Variants in MAN1B1 observed in about 807,000 individuals in gnomAD.
MAN1B1 encodes mannosidase alpha class 1B member 1, also known as endoplasmic reticulum mannosyl-oligosaccharide 1,2-alpha-mannosidase.
In MAN1B1, 66 loss-of-function variants were observed where a neutral mutation model predicts 75.5. The ratio of observed to expected loss-of-function variants is 0.87; its 90% confidence interval spans 0.72 to 1.07. The LOEUF (loss-of-function observed/expected upper bound fraction) is 1.07, where lower values mean the gene tolerates loss of function less well. Among genes scored for constraint, MAN1B1 ranks in the 50% least tolerant of loss-of-function variants. MAN1B1 has a pLI of 0.00. For missense variants in MAN1B1, 973 were observed against 912.5 expected, an observed-to-expected ratio of 1.07 and a Z score of -0.85; for synonymous variants, 453 against 382.8, an observed-to-expected ratio of 1.18 and a Z score of -2.14.
In MAN1B1 at chr9:137,099,742, T is replaced by A; in HGVS notation, c.777T>A (p.His259Gln). ...AGGGCGTGATTGACGTCTTCCTGCA[T>A]GCATGGAAAGGATACCGCAAGTTTG... Reference protein sequence around the residue: ...RQKGVIDVFLHAWKGYRKFAW... With the variant: ...RQKGVIDVFLQAWKGYRKFAW... Residue 259 changes from histidine (H) to glutamine (Q), a missense_variant, in exon 6 of 13, where the codon CAT becomes CAA. Physicochemically the swap from His to Gln is conservative, Grantham distance 24. Coordinates refer to ENST00000371589, the MANE Select transcript of MAN1B1 (RefSeq NM_016219.5). 1 of 1,614,224 alleles carries A rather than the reference T, an allele frequency of 6.2e-7. No individual in the cohort carries two copies. Among genetic ancestry groups the A allele is most frequent in the Non-Finnish European group, 8.5e-7 (1 of 1,180,042 alleles).
intron 3 of MAN1B1, among the ~76,000 whole-genome samples, chr9:137,094,716 T>A (rs1425342491): frequency 6.6e-6 from 1 of 151,432 alleles, no homozygotes; most frequent in East Asian, 1.9e-4. Context: ...CTGTCTCTAC[T>A]AACAATACAA....
At chr9:137,101,193 C>T (rs376990482) in intron 7 of MAN1B1, 40 bp downstream of exon 7, 25 of 1,611,248 alleles carry the variant, frequency 1.6e-5, no homozygotes, top group South Asian at 1.2e-4. Flanking sequence ...ATGGTGGACT[C>T]GCATTCAAGC....
rs571249914 is a variant in MAN1B1, at chr9:137,087,317, C to T, written c.219+99C>T. ...GGGACCTGGGCGGGCGGACTCGACTCCCCAGGCGCCGCCCTCTCCACCCCT... is the reference window on the plus strand; with the variant it reads ...GGGACCTGGGCGGGCGGACTCGACTTCCCAGGCGCCGCCCTCTCCACCCCT... On this transcript the variant is annotated intron_variant, in intron 1 of 12. Coordinates refer to ENST00000371589, the MANE Select transcript of MAN1B1 (RefSeq NM_016219.5). 2.4e-5 allele frequency: 32 copies of T among 1,323,286 alleles called. 2 individuals carry two copies. In the South Asian group the frequency reaches 4.2e-4, roughly 17 times the overall value. The allele number at this position is 1,323,286 out of a possible 1,614,324, so 82.0% of individuals were successfully genotyped here.
chr9:137,106,001 G>A, intron 8 of MAN1B1, 124 bp from the exon 9 acceptor site: 1 of 791,896 alleles, frequency 1.3e-6, no homozygotes, highest in Non-Finnish European at 2.2e-6. Flanking sequence ...TGGGCACAGA[G>A]CTCTCTCTGC....
At chr9:137,089,092 C>T in intron 3 of MAN1B1, 87 bp downstream of exon 3, 2 of 1,537,452 alleles carry the variant, frequency 1.3e-6, no homozygotes, top group Admixed American at 1.7e-5. Context: ...AATTATTTTC[C>T]TTTACCATTT....
rs756140103 is a variant in MAN1B1, at chr9:137,108,467, T to G, written c.1976T>G (p.Phe659Cys). The change falls in exon 13 of 13, where the codon TTC becomes TGC. Residue 659 changes from phenylalanine (F) to cysteine (C), a missense_variant. Coordinates refer to ENST00000371589, the MANE Select transcript of MAN1B1 (RefSeq NM_016219.5). Reference protein sequence around the residue: ...KPEPRDKMESFFLGETLKYLF... With the variant: ...KPEPRDKMESCFLGETLKYLF... ...GAGCCTAGGGACAAGATGGAGAGCT[T>G]CTTCCTGGGGGAGACGCTCAAGTAT... 23 of 1,613,848 alleles carry G rather than the reference T, an allele frequency of 1.4e-5. No homozygotes were observed. Among genetic ancestry groups the G allele is most frequent in the East Asian group, 2.2e-5 (1 of 44,892 alleles).
Position 137,094,107 on chromosome 9 carries a change from C to T in MAN1B1, c.466-2130C>T, listed in dbSNP as rs181558568. On this transcript the variant is annotated intron_variant, in intron 3 of 12. Transcript: ENST00000371589. ...TCCACTCACTGCAACCTCCACGTCT[C>T]GGGTTCAAGTGATTCTCCTGCCTCA... is the stretch of plus-strand genomic sequence containing the variant. Among the ~76,000 whole-genome samples, 767 of 150,918 alleles carry T rather than the reference C, an allele frequency of 5.1e-3. 4 individuals are homozygous for T. Among genetic ancestry groups the T allele is most frequent in the Non-Finnish European group, 8.7e-3 (591 of 67,766 alleles).
chr9:137,091,406 C>T (rs1325910388), intron 3 of MAN1B1, among the ~76,000 whole-genome samples: 1 of 152,010 alleles, frequency 6.6e-6, no homozygotes, highest in Non-Finnish European at 1.5e-5. Flanking sequence ...TGCACTGCCT[C>T]TCCTGTTCAG....
intron 2 of MAN1B1, 72 bp from the exon 3 acceptor site, chr9:137,088,797 T>C: frequency 6.5e-7 from 1 of 1,548,948 alleles, no homozygotes; most frequent in Non-Finnish European, 8.9e-7. Context: ...CTGCCAAGTG[T>C]TTTTATAAAG....
intron 3 of MAN1B1, 71 bp from the exon 4 acceptor site, chr9:137,096,166 C>T (rs1830644474): frequency 2.6e-6 from 4 of 1,524,118 alleles, no homozygotes; most frequent in East Asian, 2.3e-5. Flanking sequence ...CACCTGAGGG[C>T]GTCCCATAGA....
Position 137,106,632 on chromosome 9 carries a change from C to T in MAN1B1, c.1446-57C>T, listed in dbSNP as rs183958420. On this transcript the variant is annotated intron_variant, in intron 9 of 12. Transcript: ENST00000371589. ...GCCCAGGATGTGCCTGTCCCTGGTG[C>T]CCCACGGGAGCCGATGCACCGTCCT... is the stretch of plus-strand genomic sequence containing the variant. 6.8e-3 allele frequency: 10,915 copies of T among 1,610,666 alleles called. 60 individuals are homozygous for T. Among genetic ancestry groups the T allele is most frequent in the Middle Eastern group, 0.013 (77 of 6,030 alleles).
Position 137,108,489 on chromosome 9 carries a change from G to A in MAN1B1, c.1998G>A (p.Lys666=), listed in dbSNP as rs150436630. ...GCTTCTTCCTGGGGGAGACGCTCAA[G>A]TATCTGTTCTTGCTCTTCTCCGATG... is the stretch of plus-strand genomic sequence containing the variant. ...MESFFLGETL[K]YLFLLFSDDP... The change falls in exon 13 of 13, where the codon AAG becomes AAA. Residue 666 remains lysine, a synonymous_variant. Coordinates refer to ENST00000371589, the MANE Select transcript of MAN1B1 (RefSeq NM_016219.5). 1.2e-5 allele frequency: 19 copies of A among 1,613,902 alleles called. No individual in the cohort carries two copies. The Admixed American group carries it at 1.8e-4, about 16-fold the overall frequency.
In MAN1B1 at chr9:137,107,414, C is replaced by T. The variant is rs1487072561; in HGVS notation, c.1731C>T (p.Tyr577=). Reference sequence around the variant, plus strand: ...CCGAGATCGTGCACTTCAACCTTTACCCCCAGCCGGGCCGTCGGGACGTGG... The same window carrying T: ...CCGAGATCGTGCACTTCAACCTTTATCCCCAGCCGGGCCGTCGGGACGTGG... ...LSPEIVHFNL[Y]PQPGRRDVEV... The change falls in exon 11 of 13, where the codon TAC becomes TAT. Residue 577 remains tyrosine (Y), a synonymous_variant. Coordinates refer to ENST00000371589, the MANE Select transcript of MAN1B1 (RefSeq NM_016219.5). 1 of 1,613,472 alleles carries T rather than the reference C, an allele frequency of 6.2e-7. No individual in the cohort carries two copies. Among genetic ancestry groups the T allele is most frequent in the South Asian group, 1.1e-5 (1 of 91,088 alleles).
rs1488519885 is a variant in MAN1B1, at chr9:137,096,328, C to T, written c.557C>T (p.Thr186Ile). The change falls in exon 4 of 13, where the codon ACA (threonine) becomes ATA (isoleucine). Residue 186 changes from threonine (T) to isoleucine (I), a missense_variant. By Grantham distance (89) the Thr-to-Ile change is moderately conservative. Coordinates refer to ENST00000371589, the MANE Select transcript of MAN1B1 (RefSeq NM_016219.5). ...DLKDGTQEEA[T>I]KRQEAPVDPR... ...AAGGATGGGACCCAGGAGGAGGCCA[C>T]AAAAAGGCAAGAAGCCCCTGTGGAT... 6.2e-7 allele frequency: 1 copy of T among 1,614,062 alleles called. No individual in the cohort carries two copies. The highest frequency in any genetic ancestry group is 1.1e-5 in the South Asian group (1 of 91,076).
chr9:137,103,967 ATT>A (rs1432180169), intron 8 of MAN1B1: 2 of 442,026 alleles, frequency 4.5e-6, no homozygotes, highest in Admixed American at 5.0e-5. Flanking sequence ...GGTGTTGCAC[ATT>A]CATGCTGTTG....
In MAN1B1 at chr9:137,097,862, A is replaced by G. The variant is rs1830696617; in HGVS notation, c.655A>G (p.Thr219Ala). ...AGCGGTGATCGAGCCTGAGCAGGGC[A>G]CCGAGCTCCCTTCAAGAAGAGCAGA... Reference protein sequence around the residue: ...RGAVIEPEQGTELPSRRAEVP... With the variant: ...RGAVIEPEQGAELPSRRAEVP... Residue 219 changes from threonine (T) to alanine (A), a missense_variant, in exon 5 of 13, where the codon ACC becomes GCC. Thr to Ala is a moderately conservative substitution (Grantham distance 58). Transcript: ENST00000371589. 6.4e-7 allele frequency: 1 copy of G among 1,558,094 alleles called. No homozygotes were observed. The highest frequency in any genetic ancestry group is 8.7e-7 in the Non-Finnish European group (1 of 1,151,484).
rs1158419481 is a variant in MAN1B1, at chr9:137,088,977, C to T, written c.437C>T (p.Pro146Leu). 2 of 1,613,860 alleles carry T rather than the reference C, an allele frequency of 1.2e-6. No homozygotes were observed. The highest frequency in any genetic ancestry group is 1.3e-5 in the African/African-American group (1 of 74,914). The change falls in exon 3 of 13, where the codon CCT becomes CTT. Residue 146 changes from proline to leucine, a missense_variant. Physicochemically the swap from Pro to Leu is moderately conservative, Grantham distance 98. Coordinates refer to ENST00000371589, the MANE Select transcript of MAN1B1 (RefSeq NM_016219.5). The stretch of plus-strand genomic sequence containing the variant: ...GCTCCTCAGAAGGCGGACACCGACC[C>T]TGAGAACTTACCTGAGATTTCGTCA... ...LPAPQKADTD[P>L]ENLPEISSQK...
chr9:137,098,882 CAG>C (rs1396593362), intron 5 of MAN1B1, among the ~76,000 whole-genome samples: 2 of 152,144 alleles, frequency 1.3e-5, no homozygotes, highest in South Asian at 2.1e-4. Flanking sequence ...ATATTTGAGA[CAG>C]AGTCTTGCTT....
At chr9:137,088,842 T>G in intron 2 of MAN1B1, 27 bp from the exon 3 acceptor site, 1 of 1,613,320 alleles carries the variant, frequency 6.2e-7, no homozygotes, top group Non-Finnish European at 8.5e-7. Context: ...GTGGCATATT[T>G]GAAATAAAAT....
Sources: allele counts gnomAD v4.1 joint callset (sites outside exome capture counted in the v4.1 genomes callset), GRCh38; gene constraint gnomAD v4.1.1; transcripts MANE v1.5; gene names NCBI Gene and HGNC (gene_info 2026-07-23, HGNC 2026-07-21).